The following ERBB4 variants were observed in gnomAD, a reference collection of about 807,000 sequenced individuals.
ERBB4 encodes the protein erb-b2 receptor tyrosine kinase 4.
Under a neutral mutation model 158.0 loss-of-function variants are expected in ERBB4, and 42 were observed. That is an observed-to-expected ratio of 0.27 (90% confidence interval 0.21 to 0.34). The LOEUF is 0.34. ERBB4 is among the 10% of genes least tolerant of loss of function. The pLI is 1.00. For missense variants in ERBB4, 1,333 were observed against 1,624.1 expected (o/e 0.82, Z 3.08); for synonymous variants, 583 against 558.7 (o/e 1.04, Z -0.61).
At position 211,420,615 on chromosome 2, in the gene ERBB4, A is replaced by G; in HGVS notation, c.2965-4T>C. On this transcript the variant is annotated splice_region_variant and splice_polypyrimidine_tract_variant and intron_variant, in intron 24 of 27. Coordinates refer to ENST00000342788, the MANE Select transcript of ERBB4 (RefSeq NM_005235.3). Reference sequence around the variant, plus strand: ...GAAGCTTCATACGATCATCACCCTAAAAGAAAGATTGCCCATCAGACACAA... The same window carrying G: ...GAAGCTTCATACGATCATCACCCTAGAAGAAAGATTGCCCATCAGACACAA... 16 of 1,503,054 alleles carry G rather than the reference A, an allele frequency of 1.1e-5. No homozygotes were observed. Among genetic ancestry groups the G allele is most frequent in the Non-Finnish European group, 1.4e-5 (16 of 1,138,898 alleles). The allele number at this position is 1,503,054 out of a possible 1,614,324, so 93.1% of individuals were successfully genotyped here.
chr2:212,074,088 A>G (rs972236810), intron 2 of ERBB4, among the ~76,000 whole-genome samples: 4 of 152,036 alleles, frequency 2.6e-5, no homozygotes, highest in Non-Finnish European at 5.9e-5. Flanking sequence ...CTGAAGGTGA[A>G]GCATGAGTCA....
In ERBB4 at chr2:211,453,959, A is replaced by C. The variant is rs969106816; in HGVS notation, c.2488-22859T>G. ...TACAGAAACTGTATATATTGTCATA[A>C]ATGGAGAAAGTCCAATGTTCAATCA... On this transcript the variant is annotated intron_variant, in intron 20 of 27. Transcript: ENST00000342788. Among the ~76,000 whole-genome samples, 3 of 152,320 alleles carry C rather than the reference A, an allele frequency of 2.0e-5. No homozygotes were observed. In the East Asian group the frequency reaches 5.8e-4, roughly 29 times the overall value.
intron 1 of ERBB4, among the ~76,000 whole-genome samples, chr2:212,301,736 C>G (rs150354302): frequency 7.1e-6 from 1 of 140,476 alleles, no homozygotes; most frequent in East Asian, 2.0e-4. Context: ...TGCAAGTTCC[C>G]TCAGAGGTCC....
rs144749313 is a variant in ERBB4, at chr2:211,613,018, T to G, written c.2301+6159A>C. Among the ~76,000 whole-genome samples, 383 of 152,084 alleles carry G rather than the reference T, an allele frequency of 2.5e-3. 2 individuals carry two copies. The highest frequency in any genetic ancestry group is 8.9e-3 in the African/African-American group (370 of 41,532). On this transcript the variant is annotated intron_variant, in intron 19 of 27. Transcript: ENST00000342788. Reference sequence around the variant, plus strand: ...GGCAGAAGAGATTGAGAAGAGTGGATGAAGGCATCTATTCAAGGTGTGCTA... The same window carrying G: ...GGCAGAAGAGATTGAGAAGAGTGGAGGAAGGCATCTATTCAAGGTGTGCTA...
chr2:212,263,379 G>A (rs1375779784), intron 1 of ERBB4, among the ~76,000 whole-genome samples: 1 of 152,074 alleles, frequency 6.6e-6, no homozygotes, highest in Non-Finnish European at 1.5e-5. Flanking sequence ...TTACCAAATT[G>A]GTTAGCATGA....
intron 16 of ERBB4, 67 bp downstream of exon 16, chr2:211,657,686 TA>T: frequency 8.7e-7 from 1 of 1,155,472 alleles, no homozygotes; most frequent in East Asian, 2.3e-5. Flanking sequence ...CCCAACTGGT[TA>T]GTACTTTTTG....
chr2:211,779,368 C>A (rs2106295702), intron 4 of ERBB4: 1 of 152,264 alleles, frequency 6.6e-6, no homozygotes, highest in African/African-American at 2.4e-5. Context: ...TCCACTATGT[C>A]CTATCAATAG....
chr2:212,119,644 G>T (rs1427416401), intron 2 of ERBB4, among the ~76,000 whole-genome samples: 1 of 152,038 alleles, frequency 6.6e-6, no homozygotes, highest in African/African-American at 2.4e-5. Flanking sequence ...AAGTTTTAGG[G>T]CCTTTTTCTA....
intron 1 of ERBB4, among the ~76,000 whole-genome samples, chr2:212,439,631 G>A (rs958406125): frequency 6.6e-6 from 1 of 152,070 alleles, no homozygotes; most frequent in African/African-American, 2.4e-5. Context: ...CAAAATATTA[G>A]TCATGTATTA....
chr2:211,750,515 C>A, intron 5 of ERBB4, 124 bp downstream of exon 5: 1 of 835,372 alleles, frequency 1.2e-6, no homozygotes, highest in Non-Finnish European at 2.1e-6. Context: ...TGGCCCAAAG[C>A]AAATCAACCA....
intron 20 of ERBB4, among the ~76,000 whole-genome samples, chr2:211,478,935 A>G (rs184372929): frequency 4.4e-4 from 67 of 152,196 alleles, no homozygotes; most frequent in Admixed American, 3.3e-3. Flanking sequence ...ATGCTTTCCC[A>G]ACTACATCCT....
chr2:212,388,843 GA>G (rs2090763143), intron 1 of ERBB4, among the ~76,000 whole-genome samples: 1 of 151,996 alleles, frequency 6.6e-6, no homozygotes, highest in African/African-American at 2.4e-5. Flanking sequence ...TTGATGAAAA[GA>G]ATTTATTTTC....
chr2:212,492,562 C>A (rs374364025), intron 1 of ERBB4, among the ~76,000 whole-genome samples: 4 of 151,298 alleles, frequency 2.6e-5, no homozygotes, highest in South Asian at 4.1e-4. Context: ...TGGCCTATGT[C>A]TTTATGTACA....
chr2:211,607,054 CA>C (rs1337451379), intron 19 of ERBB4, among the ~76,000 whole-genome samples: 2 of 151,970 alleles, frequency 1.3e-5, no homozygotes, highest in Non-Finnish European at 2.9e-5. Flanking sequence ...CCTGATTCAC[CA>C]AAATTCTTTG....
chr2:211,454,178 C>G (rs1203613625), intron 20 of ERBB4, among the ~76,000 whole-genome samples: 2 of 152,068 alleles, frequency 1.3e-5, no homozygotes, highest in Non-Finnish European at 2.9e-5. Context: ...TAAGTCAAGC[C>G]CTTTTCTTTT....
chr2:212,323,348 T>C (rs1220381630), intron 1 of ERBB4, among the ~76,000 whole-genome samples: 1 of 150,658 alleles, frequency 6.6e-6, no homozygotes, highest in Non-Finnish European at 1.5e-5. Flanking sequence ...CTGATTTTTA[T>C]CTAAGATTGA....
At chr2:212,497,475 G>A (rs1327469238) in intron 1 of ERBB4, among the ~76,000 whole-genome samples, 2 of 152,150 alleles carry the variant, frequency 1.3e-5, no homozygotes, top group African/African-American at 4.8e-5. Flanking sequence ...AGACGTGACA[G>A]TGCAGTGATA....
chr2:211,432,728 T>C (rs1200779523), intron 20 of ERBB4, among the ~76,000 whole-genome samples: 3 of 152,164 alleles, frequency 2.0e-5, no homozygotes, highest in Admixed American at 1.3e-4. Flanking sequence ...TCTTATCACC[T>C]TCATATCAGA....
rs145754709 is a variant in ERBB4, at chr2:211,417,794, T to TA, written c.3135+2646dup. Among the ~76,000 whole-genome samples, 1,020 of 152,288 alleles carry TA rather than the reference T, an allele frequency of 6.7e-3. 15 individuals carry two copies. The highest frequency in any genetic ancestry group is 0.023 in the African/African-American group (971 of 41,556). Reference sequence around the variant, plus strand: ...TTCATAGATAGTGGGTAGAGCACCTTATAAGAAAGTGTGATTATTTATGAT... The same window carrying TA: ...TTCATAGATAGTGGGTAGAGCACCTTAATAAGAAAGTGTGATTATTTATGAT... On this transcript the variant is annotated intron_variant, in intron 25 of 27. Transcript: ENST00000342788.
Sources: gnomAD v4.1 joint callset for allele counts (sites outside exome capture counted in the v4.1 genomes callset) on GRCh38, gnomAD v4.1.1 for gene constraint, MANE v1.5 for transcripts, NCBI Gene and HGNC (gene_info 2026-07-23, HGNC 2026-07-21) for gene names.